Variants in C1orf21 observed in about 807,000 individuals in gnomAD.
C1orf21 encodes chromosome 1 open reading frame 21, also known as uncharacterized protein C1orf21.
In C1orf21, 3 loss-of-function variants were observed where a neutral mutation model predicts 18.7. That is an observed-to-expected ratio of 0.16 (90% CI 0.07 to 0.42). The LOEUF is 0.42. Among genes scored for constraint, C1orf21 ranks in the 10% least tolerant of loss-of-function variants. C1orf21 has a pLI of 0.99. For missense variants in C1orf21, 104 were observed against 143.6 expected (o/e 0.72, Z 1.41); for synonymous variants, 41 against 46.4 (o/e 0.88, Z 0.47).
chr1:184,433,383 T>C (rs539962646), intron 1 of C1orf21, among the ~76,000 whole-genome samples: 2 of 152,300 alleles, frequency 1.3e-5, no homozygotes, highest in East Asian at 3.9e-4. Context: ...CATGCATTCA[T>C]AGTGTCATCT....
chr1:184,590,952 A>G (rs1039512675), intron 4 of C1orf21, 137 bp downstream of exon 4: 1 of 749,942 alleles, frequency 1.3e-6, no homozygotes, highest in Non-Finnish European at 2.2e-6. Flanking sequence ...ACAAAATTTG[A>G]ACTTGCCGCA....
intron 5 of C1orf21, among the ~76,000 whole-genome samples, chr1:184,617,910 T>G (rs866055995): frequency 0.056 from 7,963 of 143,100 alleles, 290 homozygotes; most frequent in African/African-American, 0.095. Context: ...TGTTGTTTTT[T>G]TTTTTTTTTT....
At chr1:184,608,713 C>T (rs1245446095) in intron 5 of C1orf21, among the ~76,000 whole-genome samples, 1 of 152,190 alleles carries the variant, frequency 6.6e-6, no homozygotes, top group East Asian at 1.9e-4. Context: ...TCCCAAAGTG[C>T]TCATTCCCAG....
intron 1 of C1orf21, among the ~76,000 whole-genome samples, chr1:184,456,115 A>G (rs2101981658): frequency 6.6e-6 from 1 of 152,270 alleles, no homozygotes; most frequent in Non-Finnish European, 1.5e-5. Flanking sequence ...ATATTAATCA[A>G]ATCACTGCAA....
At chr1:184,506,669 A>G (rs1335850971) in intron 2 of C1orf21, among the ~76,000 whole-genome samples, 1 of 152,226 alleles carries the variant, frequency 6.6e-6, no homozygotes, top group Non-Finnish European at 1.5e-5. Flanking sequence ...AGAATGATTC[A>G]GAGTCACACC....
chr1:184,434,808 A>T (rs1256765346), intron 1 of C1orf21, among the ~76,000 whole-genome samples: 5 of 152,220 alleles, frequency 3.3e-5, no homozygotes, highest in Non-Finnish European at 7.3e-5. Flanking sequence ...AGTCGTGAGC[A>T]AGGAGAATGG....
chr1:184,501,506 A>G (rs1402341292), intron 2 of C1orf21, among the ~76,000 whole-genome samples: 3 of 152,020 alleles, frequency 2.0e-5, no homozygotes, highest in East Asian at 3.8e-4. Context: ...CCACCCCCAC[A>G]TGTGCTTTTC....
chr1:184,607,505 C>CT (rs1659663692), intron 5 of C1orf21, among the ~76,000 whole-genome samples: 1 of 151,986 alleles, frequency 6.6e-6, no homozygotes, highest in African/African-American at 2.4e-5. Context: ...TGGAAGAAAA[C>CT]TAAGTATCCA....
At chr1:184,422,783 G>C (rs1004117194) in intron 1 of C1orf21, among the ~76,000 whole-genome samples, 1 of 152,190 alleles carries the variant, frequency 6.6e-6, no homozygotes, top group African/African-American at 2.4e-5. Flanking sequence ...TGCCATAACT[G>C]TTGAATTGTC....
chr1:184,519,957 C>T (rs759211598), intron 3 of C1orf21, among the ~76,000 whole-genome samples: 7 of 152,164 alleles, frequency 4.6e-5, no homozygotes, highest in Non-Finnish European at 7.4e-5. Context: ...ATCCAGAAAA[C>T]ATAGAAATAA....
intron 3 of C1orf21, among the ~76,000 whole-genome samples, chr1:184,525,426 C>A (rs918371883): frequency 2.0e-5 from 3 of 151,864 alleles, no homozygotes; most frequent in Non-Finnish European, 4.4e-5. Context: ...TTTAGCTTTT[C>A]TATTTGTTTG....
At chr1:184,470,218 C>G (rs982636713) in intron 1 of C1orf21, among the ~76,000 whole-genome samples, 2 of 152,152 alleles carry the variant, frequency 1.3e-5, no homozygotes, top group East Asian at 3.9e-4. Flanking sequence ...TCTGGGCAAG[C>G]TGATTTCACC....
intron 1 of C1orf21, among the ~76,000 whole-genome samples, chr1:184,457,664 C>T (rs56933148): frequency 0.024 from 3,686 of 152,166 alleles, 79 homozygotes; most frequent in African/African-American, 0.061. Context: ...GGTGCCTCTC[C>T]GATGGGTATC....
rs1657527726 is a variant in C1orf21, at chr1:184,473,709, T to C, written c.-124-3677T>C. Among the ~76,000 whole-genome samples the C allele has an allele frequency of 2.6e-5, 4 of 152,140 alleles. No individual in the cohort carries two copies. In the South Asian group the frequency reaches 8.3e-4, roughly 31 times the overall value. The stretch of plus-strand genomic sequence containing the variant: ...TCCTGTTTCTTTAGCTCTGCTCAGG[T>C]CTCTAACCTGACATTTCTTGATATG... On this transcript the variant is annotated intron_variant, in intron 1 of 5. Transcript: ENST00000235307.
At chr1:184,395,310 T>G (rs1489849733) in intron 1 of C1orf21, among the ~76,000 whole-genome samples, 1 of 152,186 alleles carries the variant, frequency 6.6e-6, no homozygotes, top group Non-Finnish European at 1.5e-5. Context: ...ATCCTGAGGC[T>G]CACAGTTTCT....
At chr1:184,542,851 C>A (rs1358988456) in intron 3 of C1orf21, among the ~76,000 whole-genome samples, 1 of 152,168 alleles carries the variant, frequency 6.6e-6, no homozygotes, top group Non-Finnish European at 1.5e-5. Flanking sequence ...ACTCTCCTGG[C>A]TTTTTGGAGA....
intron 3 of C1orf21, among the ~76,000 whole-genome samples, chr1:184,513,775 G>A (rs746578660): frequency 7.2e-5 from 11 of 152,240 alleles, no homozygotes; most frequent in Non-Finnish European, 1.5e-4. Flanking sequence ...AGCTGTTTCA[G>A]TGAAAATTAA....
intron 3 of C1orf21, among the ~76,000 whole-genome samples, chr1:184,577,953 G>T (rs12092794): frequency 0.4 from 43,447 of 108,458 alleles, 8,536 homozygotes; most frequent in African/African-American, 0.59. Flanking sequence ...TTTTGTTTTT[G>T]TTTTTTTTTT....
chr1:184,569,769 T>C (rs989339276), intron 3 of C1orf21, among the ~76,000 whole-genome samples: 1 of 152,192 alleles, frequency 6.6e-6, no homozygotes, highest in African/African-American at 2.4e-5. Flanking sequence ...GTGGTACTAT[T>C]TTGAAGATTG....
Sources: allele counts gnomAD v4.1 joint callset (sites outside exome capture counted in the v4.1 genomes callset), GRCh38; gene constraint gnomAD v4.1.1; transcripts MANE v1.5; gene names NCBI Gene and HGNC (gene_info 2026-07-23, HGNC 2026-07-21).